The following CHMP7 variants were observed in gnomAD, a reference collection of about 807,000 sequenced individuals.
CHMP7 encodes CHMP family, member 7.
A neutral mutation model predicts 53.7 loss-of-function variants in CHMP7; 15 were observed. The observed-to-expected ratio is 0.28, with a 90% CI of 0.19 to 0.43. CHMP7 has a LOEUF of 0.43. CHMP7 is among the 20% of genes least tolerant of loss of function. The pLI is 1.00. For synonymous variants in CHMP7, 261 were observed against 228.0 expected (o/e 1.14, Z -1.30); for missense variants, 527 against 569.4 (o/e 0.93, Z 0.76).
Position 23,260,068 on chromosome 8 carries a change from G to C in CHMP7, c.1121-76G>C, listed in dbSNP as rs747337443. On this transcript the variant is annotated intron_variant, in intron 9 of 10. Coordinates refer to ENST00000397677, the MANE Select transcript of CHMP7 (RefSeq NM_152272.5). ...TCTTTTGTAAAGCTAAGCGGGTTTT[G>C]GTAACCTCAGTCCTGTACTCATTAA... 181 of 1,251,856 alleles carry C rather than the reference G, an allele frequency of 1.4e-4. 1 individual carries two copies. Among genetic ancestry groups the C allele is most frequent in the Non-Finnish European group, 1.8e-4 (161 of 884,178 alleles). 77.5% of individuals were successfully genotyped at this position (1,251,856 alleles called of 1,614,324 possible). A position where few individuals can be genotyped will look rare whatever the true frequency, so the allele number is the denominator to read the frequency against.
Position 23,246,524 on chromosome 8 carries a change from C to A in CHMP7, c.-172C>A. On this transcript the variant is annotated 5_prime_UTR_variant, in exon 2 of 11. Transcript: ENST00000397677. The stretch of plus-strand genomic sequence containing the variant: ...TCATACTGCCTCCTGGCTGACGGAG[C>A]GCAGCGCAACGCATGCGCCTTGAAG... 1.6e-6 allele frequency: 1 copy of A among 616,954 alleles called. No homozygotes were observed. The highest frequency in any genetic ancestry group is 2.8e-6 in the Non-Finnish European group (1 of 353,844). The allele number at this position is 616,954 out of a possible 1,614,324, so 38.2% of individuals were successfully genotyped here.
chr8:23,259,559 C>T (rs879554065), intron 9 of CHMP7, among the ~76,000 whole-genome samples: 5 of 152,054 alleles, frequency 3.3e-5, no homozygotes, highest in Non-Finnish European at 5.9e-5. Context: ...TGGGGTTTCA[C>T]CTGTTGGTCA....
intron 3 of CHMP7, among the ~76,000 whole-genome samples, chr8:23,252,782 GTGTA>G (rs1223735537): frequency 6.6e-6 from 1 of 152,070 alleles, no homozygotes; most frequent in African/African-American, 2.4e-5. Context: ...ACTTATTTTT[GTGTA>G]TGTGGTGGGG....
intron 2 of CHMP7, among the ~76,000 whole-genome samples, chr8:23,248,353 G>C (rs1801793205): frequency 6.6e-6 from 1 of 152,146 alleles, no homozygotes. Flanking sequence ...TGCTTGCCTG[G>C]GTCCTGAAGA....
At chr8:23,254,164 A>G (rs1585310746) in intron 3 of CHMP7, among the ~76,000 whole-genome samples, 1 of 134,914 alleles carries the variant, frequency 7.4e-6, no homozygotes, top group South Asian at 2.5e-4. Flanking sequence ...GAACTTGCTC[A>G]CTCTTCAGAA....
intron 5 of CHMP7, among the ~76,000 whole-genome samples, chr8:23,257,726 T>C (rs569821706): frequency 6.6e-6 from 1 of 152,296 alleles, no homozygotes; most frequent in East Asian, 1.9e-4. Flanking sequence ...TCATTGTTGG[T>C]GTTAACAGTT....
In CHMP7 at chr8:23,258,358, G is replaced by C; in HGVS notation, c.869G>C (p.Arg290Pro). The stretch of plus-strand genomic sequence containing the variant: ...CTGAGGTCTCTCAAGGCCAAGCAAC[G>C]GACAGAGAAGCGCATCGAGGCCTTG... Reference protein sequence around the residue: ...LALRSLKAKQRTEKRIEALHA... With the variant: ...LALRSLKAKQPTEKRIEALHA... The change falls in exon 7 of 11, where the codon CGG becomes CCG. Residue 290 changes from arginine (R) to proline (P), a missense_variant. Coordinates refer to ENST00000397677, the MANE Select transcript of CHMP7 (RefSeq NM_152272.5). The C allele has an allele frequency of 6.2e-7, 1 of 1,614,160 alleles. No homozygotes were observed. Among genetic ancestry groups the C allele is most frequent in the Non-Finnish European group, 8.5e-7 (1 of 1,180,032 alleles).
Position 23,249,357 on chromosome 8 carries a change from C to T in CHMP7, c.447C>T (p.Val149=), listed in dbSNP as rs771109211. 2.5e-6 allele frequency: 4 copies of T among 1,607,948 alleles called. No homozygotes were observed. Among genetic ancestry groups the T allele is most frequent in the South Asian group, 1.1e-5 (1 of 90,276 alleles). The change falls in exon 3 of 11, where the codon GTC becomes GTT. Residue 149 remains valine (V), a synonymous_variant. Coordinates refer to ENST00000397677, the MANE Select transcript of CHMP7 (RefSeq NM_152272.5). ...ATAATAAGGTTCCAGCTGAGGAGGT[C>T]CTTGTCGCTGTGGAGCTGTTGAAGG... ...LGDNKVPAEE[V]LVAVELLKEK...
intron 3 of CHMP7, among the ~76,000 whole-genome samples, chr8:23,252,753 C>T (rs6998915): frequency 2.2e-4 from 33 of 152,212 alleles, no homozygotes; most frequent in African/African-American, 6.5e-4. Flanking sequence ...TAATTTTTTC[C>T]GTTTACATTT....
intron 3 of CHMP7, among the ~76,000 whole-genome samples, chr8:23,253,175 G>A (rs765760100): frequency 1.3e-5 from 2 of 152,188 alleles, no homozygotes; most frequent in Non-Finnish European, 2.9e-5. Flanking sequence ...CTGTGGATAT[G>A]CTGAGGACTT....
chr8:23,259,842 C>T (rs78960788), intron 9 of CHMP7: 4,302 of 322,418 alleles, frequency 0.013, 42 homozygotes, highest in Non-Finnish European at 0.019. Context: ...CATGACCCAT[C>T]TGTGCTGCGG....
At chr8:23,250,199 G>T (rs1169154386) in intron 3 of CHMP7, among the ~76,000 whole-genome samples, 1 of 151,942 alleles carries the variant, frequency 6.6e-6, no homozygotes, top group Non-Finnish European at 1.5e-5. Flanking sequence ...TGCTCTCTGC[G>T]GGCACTTCAC....
intron 3 of CHMP7, among the ~76,000 whole-genome samples, chr8:23,252,094 G>A (rs1401466221): frequency 6.7e-6 from 1 of 148,676 alleles, no homozygotes; most frequent in Non-Finnish European, 1.5e-5. Context: ...GATACGTCCT[G>A]TTTGTGAATT....
rs1162741794 is a variant in CHMP7, at chr8:23,246,346, A to T, written c.-350A>T. Reference sequence around the variant, plus strand: ...CCATTTTCTGAAGCCACAGGTCAGAAGCCGCTGTACAACGCTTTGCCGAAC... The same window carrying T: ...CCATTTTCTGAAGCCACAGGTCAGATGCCGCTGTACAACGCTTTGCCGAAC... On this transcript the variant is annotated 5_prime_UTR_variant, in exon 2 of 11. It adds an upstream start codon to the 5' untranslated region. Transcript: ENST00000397677. 9 of 269,912 alleles carry T rather than the reference A, an allele frequency of 3.3e-5. No individual in the cohort carries two copies. The highest frequency in any genetic ancestry group is 6.5e-5 in the Non-Finnish European group (9 of 139,486). The allele number at this position is 269,912 out of a possible 1,614,324, so 16.7% of individuals were successfully genotyped here.
At chr8:23,258,005 G>A in intron 5 of CHMP7, 28 bp from the exon 6 acceptor site, 1 of 1,581,592 alleles carries the variant, frequency 6.3e-7, no homozygotes, top group East Asian at 2.2e-5. Flanking sequence ...CTGTGGCACA[G>A]TAATCTTATC....
In CHMP7 at chr8:23,246,815, G is replaced by C; in HGVS notation, c.120G>C (p.Arg40Ser). Residue 40 changes from arginine (R) to serine (S), a missense_variant, in exon 2 of 11, where the codon AGG (arginine) becomes AGC (serine). Arg to Ser is a moderately radical substitution (Grantham distance 110). Coordinates refer to ENST00000397677, the MANE Select transcript of CHMP7 (RefSeq NM_152272.5). Reference protein sequence around the residue: ...RMSFLFSAFKRSREVNSTDWD... With the variant: ...RMSFLFSAFKSSREVNSTDWD... ...CCTTCCTGTTCTCCGCTTTCAAGAG[G>C]AGTCGCGAGGTGAACAGCACCGACT... 1 of 1,596,882 alleles carries C rather than the reference G, an allele frequency of 6.3e-7. No individual in the cohort carries two copies. Among genetic ancestry groups the C allele is most frequent in the Non-Finnish European group, 8.5e-7 (1 of 1,172,130 alleles).
At chr8:23,250,909 C>G (rs1164438694) in intron 3 of CHMP7, among the ~76,000 whole-genome samples, 1 of 152,122 alleles carries the variant, frequency 6.6e-6, no homozygotes, top group Non-Finnish European at 1.5e-5. Flanking sequence ...CCCTGTCTCC[C>G]AGGATTGTTG....
At chr8:23,254,596 T>C (rs1802055785) in intron 3 of CHMP7, among the ~76,000 whole-genome samples, 1 of 152,120 alleles carries the variant, frequency 6.6e-6, no homozygotes, top group Non-Finnish European at 1.5e-5. Context: ...AGACAGGGTT[T>C]TGCCATGTTG....
chr8:23,256,437 A>G lies in CHMP7; in HGVS notation c.658-23A>G, dbSNP rs201415001. 690 of 1,574,338 alleles carry G rather than the reference A, an allele frequency of 4.4e-4. 1 individual carries two copies. The highest frequency in any genetic ancestry group is 3.8e-4 in the Non-Finnish European group (439 of 1,144,070). On this transcript the variant is annotated intron_variant, in intron 4 of 10. Transcript: ENST00000397677. ...TCTCAGCCTTTGTGGTAGCAGCAGT[A>G]GTAATTTCTCCCTGTCCCTCAGATT...
Sources: allele counts gnomAD v4.1 joint callset (sites outside exome capture counted in the v4.1 genomes callset), GRCh38; gene constraint gnomAD v4.1.1; transcripts MANE v1.5; gene names NCBI Gene and HGNC (gene_info 2026-07-23, HGNC 2026-07-21).